The following MAPT variants were observed in gnomAD, a reference collection of about 807,000 sequenced individuals.
MAPT encodes microtubule associated protein tau.
Under a neutral mutation model 67.9 loss-of-function variants are expected in MAPT, and 34 were observed. That is an observed-to-expected ratio of 0.50 (90% CI 0.38 to 0.67). MAPT has a LOEUF of 0.67. MAPT is among the 30% of genes least tolerant of loss of function. The probability of loss-of-function intolerance (pLI) is 0.00; values close to 1 mark genes in which losing one functional copy is unlikely to be tolerated. For synonymous variants in MAPT, 456 were observed against 464.5 expected, an observed-to-expected ratio of 0.98 and a Z score of 0.23; for missense variants, 881 against 1,115.2, an observed-to-expected ratio of 0.79 and a Z score of 2.99.
Position 46,025,911 on chromosome 17 carries a change from C to G in MAPT, c.*1740C>G, listed in dbSNP as rs911509496. The G allele has an allele frequency of 2.6e-5, 4 of 152,294 alleles. No individual in the cohort carries two copies. The highest frequency in any genetic ancestry group is 9.7e-5 in the African/African-American group (4 of 41,428). 9.4% of individuals were successfully genotyped at this position (152,294 alleles called of 1,614,324 possible). ...CACACCCGACAAAGGGGAACACACCCCCTTGGAAATGGTTCTTTTCCCCCA... is the reference window on the plus strand; with the variant it reads ...CACACCCGACAAAGGGGAACACACCGCCTTGGAAATGGTTCTTTTCCCCCA... On this transcript the variant is annotated 3_prime_UTR_variant, in exon 13 of 13. Transcript: ENST00000262410.
chr17:45,907,638 CA>C (rs2064416571), intron 1 of MAPT: 1 of 152,236 alleles, frequency 6.6e-6, no homozygotes, highest in Non-Finnish European at 1.5e-5. Flanking sequence ...CACTCAGTTC[CA>C]GTACTCTATA....
At chr17:45,985,153 A>G (rs1035504256) in intron 5 of MAPT, among the ~76,000 whole-genome samples, 3 of 152,064 alleles carry the variant, frequency 2.0e-5, no homozygotes, top group Non-Finnish European at 4.4e-5. Flanking sequence ...AAATTACAAA[A>G]AATTAGCTGG....
chr17:45,947,730 C>T (rs771478116), intron 1 of MAPT, among the ~76,000 whole-genome samples: 1 of 152,076 alleles, frequency 6.6e-6, no homozygotes, highest in African/African-American at 2.4e-5. Flanking sequence ...TGATGACCTC[C>T]AGTTACCTTA....
chr17:45,994,963 G>C (rs1009057884), intron 8 of MAPT, among the ~76,000 whole-genome samples: 1 of 152,016 alleles, frequency 6.6e-6, no homozygotes, highest in Non-Finnish European at 1.5e-5. Context: ...CAGGAGACTC[G>C]CTTGATCCCA....
In MAPT at chr17:45,968,416, T is replaced by C. The variant is rs572738756; in HGVS notation, c.134-3443T>C. ...AGCCACCCCTGTCTGCCCAGGAGGC[T>C]GGAAGATGTGGCCTTTTAACTGGGC... On this transcript the variant is annotated intron_variant, in intron 2 of 12. Transcript: ENST00000262410. Among the ~76,000 whole-genome samples the C allele has an allele frequency of 1.4e-4, 21 of 152,280 alleles. 2 individuals are homozygous for C. In the South Asian group the frequency reaches 4.4e-3, roughly 32 times the overall value.
chr17:45,993,107 A>T (rs915688535), intron 8 of MAPT, among the ~76,000 whole-genome samples: 7 of 152,050 alleles, frequency 4.6e-5, no homozygotes, highest in African/African-American at 1.4e-4. Context: ...CCTGGCCTGG[A>T]TCTTGGATCT....
At chr17:45,960,678 G>T (rs1374981371) in intron 1 of MAPT, among the ~76,000 whole-genome samples, 1 of 152,132 alleles carries the variant, frequency 6.6e-6, no homozygotes, top group African/African-American at 2.4e-5. Context: ...AGCCAGGCAT[G>T]GTGGCAGCTT....
intron 1 of MAPT, chr17:45,910,596 G>T (rs767788018): frequency 2.0e-5 from 3 of 151,316 alleles, no homozygotes; most frequent in Non-Finnish European, 4.4e-5. Flanking sequence ...TTTTTCATGG[G>T]CAGAGACCTG....
Position 46,010,403 on chromosome 17 carries a change from G to A in MAPT, c.2091+1G>A, listed in dbSNP as rs1568327531. 2 of 1,565,780 alleles carry A rather than the reference G, an allele frequency of 1.3e-6. No homozygotes were observed. Among genetic ancestry groups the A allele is most frequent in the Non-Finnish European group, 1.7e-6 (2 of 1,152,880 alleles). ...CAAACACGTCCCGGGAGGCGGCAGT[G>A]TGAGTACCTTCACACGTCCCATGCG... On this transcript the variant is annotated splice_donor_variant, in intron 10 of 12. Transcript: ENST00000262410. LOFTEE classifies it high-confidence loss of function. This position sits in a 1 kb window ranked among gnomAD's most constrained non-coding sequence, Gnocchi z 4.7.
At position 45,996,243 on chromosome 17, in the gene MAPT, G is replaced by A. The variant is rs144512087; in HGVS notation, c.1733-156G>A. Among the ~76,000 whole-genome samples the A allele has an allele frequency of 7.5e-4, 115 of 152,318 alleles. No individual in the cohort carries two copies. The highest frequency in any genetic ancestry group is 2.6e-3 in the African/African-American group (109 of 41,574). The stretch of plus-strand genomic sequence containing the variant: ...GCAGGGAGGAAGAGATGCTTCCCCA[G>A]GGCAGCCGTCTGCTGTAGCTGCGCT... On this transcript the variant is annotated intron_variant, in intron 8 of 12. Coordinates refer to ENST00000262410, the MANE Select transcript of MAPT (RefSeq NM_001377265.1). This position sits in a 1 kb window ranked among gnomAD's most constrained non-coding sequence, Gnocchi z 4.5.
rs369289720 is a variant in MAPT, at chr17:46,001,969, C to T, written c.1998+5305C>T. Among the ~76,000 whole-genome samples, 5 of 152,264 alleles carry T rather than the reference C, an allele frequency of 3.3e-5. No individual in the cohort carries two copies. The East Asian group carries it at 9.6e-4, about 29-fold the overall frequency. ...TCAGTGGCCTTTGAAAGGACAGCCC[C>T]CACCCGGAGTGCTGGGTGCAGGAGC... On this transcript the variant is annotated intron_variant, in intron 9 of 12. Transcript: ENST00000262410.
chr17:46,022,427 C>A (rs912103680), intron 12 of MAPT, among the ~76,000 whole-genome samples: 1 of 151,726 alleles, frequency 6.6e-6, no homozygotes, highest in Non-Finnish European at 1.5e-5. Flanking sequence ...AAGTAGTGAC[C>A]CCAAATGAAC....
At chr17:45,936,784 G>A (rs1011617147) in intron 1 of MAPT, among the ~76,000 whole-genome samples, 6 of 152,190 alleles carry the variant, frequency 3.9e-5, no homozygotes, top group African/African-American at 1.2e-4. Context: ...CGTCATTAAC[G>A]ATCCACATCT....
chr17:45,940,002 A>G (rs2067711921), intron 1 of MAPT, among the ~76,000 whole-genome samples: 1 of 152,132 alleles, frequency 6.6e-6, no homozygotes, highest in South Asian at 2.1e-4. Flanking sequence ...CCCCCTCCCC[A>G]CTACTTTCGG....
chr17:45,925,309 C>T (rs1209830795), intron 1 of MAPT, among the ~76,000 whole-genome samples: 7 of 152,232 alleles, frequency 4.6e-5, no homozygotes, highest in Admixed American at 2.6e-4. Flanking sequence ...GTCCTCCCAT[C>T]GAGGACCACA....
intron 12 of MAPT, 47 bp from the exon 13 acceptor site, chr17:46,023,905 GGTCT>G (rs1568347346): frequency 6.6e-7 from 1 of 1,517,244 alleles, no homozygotes; most frequent in Non-Finnish European, 9.1e-7. Context: ...TGGCAGGGCT[GGTCT>G]TTCTCTGGCA....
intron 1 of MAPT, among the ~76,000 whole-genome samples, chr17:45,956,574 ATATATATATATATATATATATATATATT>A (rs1352613523): frequency 0.11 from 434 of 4,110 alleles, 4 homozygotes; most frequent in South Asian, 0.31. Flanking sequence ...ATATATATAT[ATATATATATATATATATATATATATATT>A]TTTTATTATT....
intron 1 of MAPT, among the ~76,000 whole-genome samples, chr17:45,916,593 G>A (rs1018292161): frequency 1.3e-5 from 2 of 152,166 alleles, no homozygotes; most frequent in African/African-American, 4.8e-5. Flanking sequence ...AAACTGTCGG[G>A]AACAGCCCCC....
At chr17:45,955,637 G>A (rs1270951343) in intron 1 of MAPT, among the ~76,000 whole-genome samples, 4 of 152,224 alleles carry the variant, frequency 2.6e-5, no homozygotes, top group Non-Finnish European at 5.9e-5. Flanking sequence ...CCCGCCCCAT[G>A]TGAGATCTAA....
Sources: gnomAD v4.1 joint callset for allele counts (sites outside exome capture counted in the v4.1 genomes callset) on GRCh38, gnomAD v4.1.1 for gene constraint, Gnocchi (gnomAD v3.1) non-coding constraint, MANE v1.5 for transcripts, NCBI Gene and HGNC (gene_info 2026-07-23, HGNC 2026-07-21) for gene names.